Variants in SEMA5A observed in about 807,000 individuals in gnomAD.
SEMA5A encodes the protein semaphorin 5A, also known as semaphorin-5A.
A neutral mutation model predicts 135.5 loss-of-function variants in SEMA5A; 55 were observed. The ratio of observed to expected loss-of-function variants is 0.41; its 90% CI spans 0.33 to 0.51. The LOEUF is 0.51. SEMA5A is among the 20% of genes least tolerant of loss of function. SEMA5A has a pLI of 0.37. For missense variants in SEMA5A, 1,290 were observed against 1,419.9 expected (o/e 0.91, Z 1.47); for synonymous variants, 580 against 546.5 (o/e 1.06, Z -0.85).
chr5:9,122,760 G>A lies in SEMA5A; in HGVS notation c.1677C>T (p.Ala559=), dbSNP rs978292961. The A allele has an allele frequency of 1.2e-6, 2 of 1,613,624 alleles. No homozygotes were observed. The highest frequency in any genetic ancestry group is 1.7e-6 in the Non-Finnish European group (2 of 1,179,898). ...WTPCTHTDGS[A]VGSCLCRTRS... The stretch of plus-strand genomic sequence containing the variant: ...GGGTTCGACAGAGGCAGGATCCCAC[G>A]GCGCTGCCATCTGTGTGCGTGCAAG... Residue 559 remains alanine (A), a synonymous_variant, in exon 14 of 23, where the codon GCC becomes GCT. Coordinates refer to ENST00000382496, the MANE Select transcript of SEMA5A (RefSeq NM_003966.3).
rs887688793 is a variant in SEMA5A at position 9,035,277 on chromosome 5, G to A, written c.*7620C>T. ...GAATGCTTTTTCATAAAGATGAATA[G>A]GGTTGAGATACAGAAACTGTCAATG... is the stretch of plus-strand genomic sequence containing the variant. On this transcript the variant is annotated 3_prime_UTR_variant, in exon 23 of 23. Coordinates refer to ENST00000382496, the MANE Select transcript of SEMA5A (RefSeq NM_003966.3). The A allele has an allele frequency of 6.6e-6, 1 of 152,188 alleles. No homozygotes were observed. The highest frequency in any genetic ancestry group is 1.5e-5 in the Non-Finnish European group (1 of 68,048). The allele number at this position is 152,188 out of a possible 1,614,324, so 9.4% of individuals were successfully genotyped here. A position where few individuals can be genotyped will look rare whatever the true frequency, so the allele number is the denominator to read the frequency against.
chr5:9,098,239 A>G (rs1016902355), intron 16 of SEMA5A, among the ~76,000 whole-genome samples: 14 of 143,282 alleles, frequency 9.8e-5, no homozygotes, highest in African/African-American at 3.6e-4. Flanking sequence ...CTCTGTCTCA[A>G]TAAATAAATA....
At chr5:9,429,564 G>A (rs1757786277) in intron 2 of SEMA5A, among the ~76,000 whole-genome samples, 1 of 152,172 alleles carries the variant, frequency 6.6e-6, no homozygotes, top group Non-Finnish European at 1.5e-5. Flanking sequence ...AGCAGAAAAG[G>A]AAAATAGAGA....
chr5:9,108,017 T>C, intron 16 of SEMA5A, 123 bp downstream of exon 16: 5 of 1,258,430 alleles, frequency 4.0e-6, no homozygotes, highest in Non-Finnish European at 5.5e-6. Flanking sequence ...GTGCAGAGCC[T>C]CTAGTGTGTG....
In SEMA5A at chr5:9,131,380, G is replaced by A. The variant is rs565637401; in HGVS notation, c.1599+5124C>T. The stretch of plus-strand genomic sequence containing the variant: ...TCCCAGCACTTTGGGAGGCCGAGGC[G>A]GGTGGATCAAAAGGTCAGGAGATCG... On this transcript the variant is annotated intron_variant, in intron 13 of 22. Transcript: ENST00000382496. Among the ~76,000 whole-genome samples the A allele has an allele frequency of 1.5e-4, 23 of 152,016 alleles. No homozygotes were observed. In the East Asian group the frequency reaches 1.9e-3, roughly 13 times the overall value.
intron 5 of SEMA5A, among the ~76,000 whole-genome samples, chr5:9,296,505 T>C (rs1751341033): frequency 6.6e-6 from 1 of 152,200 alleles, no homozygotes; most frequent in African/African-American, 2.4e-5. Flanking sequence ...CTCTGTATTC[T>C]ATTTGAAATA....
At chr5:9,299,523 C>T (rs961265660) in intron 5 of SEMA5A, among the ~76,000 whole-genome samples, 1 of 152,158 alleles carries the variant, frequency 6.6e-6, no homozygotes, top group Non-Finnish European at 1.5e-5. Flanking sequence ...AGCTTCCAAT[C>T]TTGGGTGGGG....
chr5:9,473,860 G>C (rs959836222), intron 1 of SEMA5A, among the ~76,000 whole-genome samples: 3 of 152,088 alleles, frequency 2.0e-5, no homozygotes, highest in Non-Finnish European at 4.4e-5. Context: ...AGGGAGGGGA[G>C]CAGATGAGCA....
chr5:9,106,532 G>C (rs999075021), intron 16 of SEMA5A, among the ~76,000 whole-genome samples: 1 of 152,162 alleles, frequency 6.6e-6, no homozygotes, highest in Non-Finnish European at 1.5e-5. Context: ...TTAGAAACTA[G>C]GGTGTGAGAT....
chr5:9,244,237 A>G (rs539369525), intron 5 of SEMA5A, among the ~76,000 whole-genome samples: 1 of 152,266 alleles, frequency 6.6e-6, no homozygotes, highest in Non-Finnish European at 1.5e-5. Flanking sequence ...AAGACCCATC[A>G]CTTCTATTAA....
chr5:9,191,721 G>A (rs933397133), intron 10 of SEMA5A, among the ~76,000 whole-genome samples: 12 of 152,232 alleles, frequency 7.9e-5, no homozygotes, highest in Admixed American at 5.9e-4. Flanking sequence ...AGAGTTAAAC[G>A]GATTTCATGC....
At chr5:9,250,838 A>G (rs1405955171) in intron 5 of SEMA5A, among the ~76,000 whole-genome samples, 1 of 152,240 alleles carries the variant, frequency 6.6e-6, no homozygotes, top group African/African-American at 2.4e-5. Context: ...GCAAAGCTAA[A>G]GAAGTTGGAA....
Position 9,256,818 on chromosome 5 carries a change from A to C in SEMA5A, c.271-18928T>G, listed in dbSNP as rs373291347. On this transcript the variant is annotated intron_variant, in intron 5 of 22. Coordinates refer to ENST00000382496, the MANE Select transcript of SEMA5A (RefSeq NM_003966.3). ...ACTTCTGTCTGAAGGTAGGAATTTC[A>C]AGGCGAGAGCCTCATCACATTTGTC... is the stretch of plus-strand genomic sequence containing the variant. Among the ~76,000 whole-genome samples the C allele has an allele frequency of 3.3e-5, 5 of 152,222 alleles. No homozygotes were observed. In the East Asian group the frequency reaches 5.8e-4, roughly 18 times the overall value.
intron 3 of SEMA5A, among the ~76,000 whole-genome samples, chr5:9,375,280 G>A (rs1025530426): frequency 1.3e-5 from 2 of 152,060 alleles, no homozygotes; most frequent in Admixed American, 6.5e-5. Flanking sequence ...CGGCACCTTT[G>A]CAGACAAATT....
At chr5:9,340,895 A>G (rs934385607) in intron 3 of SEMA5A, among the ~76,000 whole-genome samples, 19 of 152,134 alleles carry the variant, frequency 1.2e-4, no homozygotes, top group African/African-American at 4.3e-4. Context: ...TATCCTCCCA[A>G]CTTTCCCAAC....
intron 16 of SEMA5A, among the ~76,000 whole-genome samples, chr5:9,079,094 A>G (rs1403116865): frequency 6.6e-6 from 1 of 152,172 alleles, no homozygotes; most frequent in Non-Finnish European, 1.5e-5. Context: ...ATTAATGGCA[A>G]ATAATTTAAA....
chr5:9,385,823 G>T (rs1755862964), intron 2 of SEMA5A, among the ~76,000 whole-genome samples: 1 of 128,412 alleles, frequency 7.8e-6, no homozygotes. Context: ...TTGAGACAGA[G>T]TCCAGTCTAG....
chr5:9,095,442 C>G (rs932033594), intron 16 of SEMA5A, among the ~76,000 whole-genome samples: 2 of 152,204 alleles, frequency 1.3e-5, no homozygotes, highest in Admixed American at 1.3e-4. Context: ...TGTGCCCTTT[C>G]TCACATTCAC....
At chr5:9,206,236 G>A (rs987273121) in intron 8 of SEMA5A, among the ~76,000 whole-genome samples, 4 of 152,052 alleles carry the variant, frequency 2.6e-5, no homozygotes, top group East Asian at 1.9e-4. Context: ...AAACAGGCAC[G>A]TCAGCTGCTG....
Sources: allele counts gnomAD v4.1 joint callset (sites outside exome capture counted in the v4.1 genomes callset), GRCh38; gene constraint gnomAD v4.1.1; transcripts MANE v1.5; gene names NCBI Gene and HGNC (gene_info 2026-07-23, HGNC 2026-07-21).